The following KLHL2 variants were observed in gnomAD, a reference collection of about 807,000 sequenced individuals.
The protein encoded by KLHL2 is kelch like family member 2.
A neutral mutation model predicts 75.8 loss-of-function variants in KLHL2; 15 were observed. The ratio of observed to expected loss-of-function variants is 0.20; its 90% CI spans 0.13 to 0.30. The LOEUF is 0.30. Ranked by LOEUF, KLHL2 falls within the 10% of genes least tolerant of loss-of-function variation. KLHL2 has a pLI of 1.00. For missense variants in KLHL2, 381 were observed against 741.0 expected (o/e 0.51, Z 5.64); for synonymous variants, 214 against 251.9 (o/e 0.85, Z 1.42).
chr4:165,269,227 G>A (rs1372618662), intron 5 of KLHL2, among the ~76,000 whole-genome samples: 4 of 151,956 alleles, frequency 2.6e-5, no homozygotes, highest in African/African-American at 7.3e-5. Context: ...GATGGGTCTC[G>A]TGAATGCAGC....
rs1363427176 is a variant in KLHL2 at position 165,207,916 on chromosome 4, C to T, written c.26+14C>T. ...GCTGCCTCCCGCGTGAGTGAGCGGG[C>T]GGGCGGGCTGCGCCGCTGCGGATAA... On this transcript the variant is annotated intron_variant, in intron 1 of 14. Coordinates refer to ENST00000226725, the MANE Select transcript of KLHL2 (RefSeq NM_007246.4). The surrounding 1 kb of genome is among the most constrained non-coding windows in gnomAD (Gnocchi z 4.2). 1 of 1,418,802 alleles carries T rather than the reference C, an allele frequency of 7.0e-7. No homozygotes were observed. The allele number at this position is 1,418,802 out of a possible 1,614,324, so 87.9% of individuals were successfully genotyped here. A position where few individuals can be genotyped will look rare whatever the true frequency, so the allele number is the denominator to read the frequency against.
chr4:165,303,599 T>C (rs1378956386), intron 8 of KLHL2, among the ~76,000 whole-genome samples: 4 of 152,058 alleles, frequency 2.6e-5, no homozygotes, highest in African/African-American at 9.7e-5. Flanking sequence ...GTGTCGCTCT[T>C]TCGCCCAGGC....
Position 165,322,735 on chromosome 4 carries a change from T to C in KLHL2, c.*675T>C, listed in dbSNP as rs954363900. On this transcript the variant is annotated 3_prime_UTR_variant, in exon 15 of 15. Coordinates refer to ENST00000226725, the MANE Select transcript of KLHL2 (RefSeq NM_007246.4). ...TGATATTTAACAATGCTTAACACTT[T>C]AAATGCCACTTCTGAGGAATGGACC... The C allele has an allele frequency of 6.5e-6, 1 of 152,680 alleles. No homozygotes were observed. The highest frequency in any genetic ancestry group is 2.4e-5 in the African/African-American group (1 of 41,470). 9.5% of individuals were successfully genotyped at this position (152,680 alleles called of 1,614,324 possible). A position where few individuals can be genotyped will look rare whatever the true frequency, so the allele number is the denominator to read the frequency against.
intron 5 of KLHL2, among the ~76,000 whole-genome samples, chr4:165,274,608 C>CAAA (rs1319249650): frequency 1.9e-5 from 2 of 106,938 alleles, no homozygotes; most frequent in African/African-American, 6.5e-5. Flanking sequence ...GACTACGTCT[C>CAAA]AAAAAAAAAA....
intron 11 of KLHL2, 30 bp from the exon 12 acceptor site, chr4:165,313,208 A>G (rs1385820914): frequency 2.5e-6 from 4 of 1,590,156 alleles, no homozygotes; most frequent in Non-Finnish European, 3.4e-6. Context: ...TTTTTAATAA[A>G]TTTGGCTTTC....
chr4:165,302,035 C>T (rs1194070170), intron 8 of KLHL2, among the ~76,000 whole-genome samples: 2 of 152,094 alleles, frequency 1.3e-5, no homozygotes, highest in South Asian at 2.1e-4. Flanking sequence ...CTGTGTTATA[C>T]TTTTAGATTT....
chr4:165,263,802 ATTGT>A lies in KLHL2; in HGVS notation c.544+446_544+449del, dbSNP rs1243009284. 4.3e-3 allele frequency among the ~76,000 whole-genome samples: 404 copies of A among 93,520 alleles called. 6 individuals carry two copies. The highest frequency in any genetic ancestry group is 0.011 in the African/African-American group (308 of 28,326). The allele number at this position is 93,520 out of a possible 152,430, so 61.4% of individuals were successfully genotyped here. A position where few individuals can be genotyped will look rare whatever the true frequency, so the allele number is the denominator to read the frequency against. On this transcript the variant is annotated intron_variant, in intron 5 of 14. Coordinates refer to ENST00000226725, the MANE Select transcript of KLHL2 (RefSeq NM_007246.4). ...AGTTATTTTAGCTCTGATTTTTTAC[ATTGT>A]TTTTTTTTTTTTTTTTTTTTTTTGC... is the stretch of plus-strand genomic sequence containing the variant.
At chr4:165,310,391 T>C (rs1746069753) in intron 9 of KLHL2, among the ~76,000 whole-genome samples, 162 bp from the exon 10 acceptor site, 1 of 152,190 alleles carries the variant, frequency 6.6e-6, no homozygotes, top group South Asian at 2.1e-4. Context: ...AGTGATTGGA[T>C]GTTCTTGCAA....
At chr4:165,312,960 A>G (rs949082294) in intron 11 of KLHL2, among the ~76,000 whole-genome samples, 2 of 152,172 alleles carry the variant, frequency 1.3e-5, no homozygotes, top group Admixed American at 1.3e-4. Context: ...AGTGTTACCT[A>G]AAGATATAAT....
At chr4:165,270,841 C>T (rs185531848) in intron 5 of KLHL2, among the ~76,000 whole-genome samples, 7 of 152,176 alleles carry the variant, frequency 4.6e-5, no homozygotes, top group Admixed American at 4.6e-4. Flanking sequence ...CTGAGAGAAC[C>T]ACTGCTCTCT....
intron 5 of KLHL2, among the ~76,000 whole-genome samples, chr4:165,275,565 C>T (rs1743018641): frequency 6.6e-6 from 1 of 152,174 alleles, no homozygotes; most frequent in Admixed American, 6.5e-5. Context: ...CTACTTAGTA[C>T]TAGTTCTAAC....
chr4:165,220,653 G>A (rs1737910664), intron 2 of KLHL2, among the ~76,000 whole-genome samples: 1 of 152,078 alleles, frequency 6.6e-6, no homozygotes, highest in Non-Finnish European at 1.5e-5. Context: ...ATAAAATTGT[G>A]ACTTGCATTA....
At chr4:165,299,407 A>AGTCTAAACTAAACTAAACTAAACTAAAC in intron 7 of KLHL2, 100 bp from the exon 8 acceptor site, 2 of 1,056,254 alleles carry the variant, frequency 1.9e-6, no homozygotes, top group Non-Finnish European at 2.7e-6. Flanking sequence ...ACTAAAGGAT[A>AGTCTAAACTAAACTAAACTAAACTAAAC]TAGTTACTGC....
At chr4:165,227,900 C>CTT (rs557385631) in intron 2 of KLHL2, among the ~76,000 whole-genome samples, 11 of 121,330 alleles carry the variant, frequency 9.1e-5, no homozygotes, top group African/African-American at 3.3e-4. Context: ...TAACAAAATG[C>CTT]TTTTTTTTTT....
chr4:165,310,999 T>C (rs1396129995), intron 10 of KLHL2, among the ~76,000 whole-genome samples: 2 of 151,682 alleles, frequency 1.3e-5, no homozygotes, highest in Admixed American at 6.6e-5. Context: ...GGACTATAGG[T>C]GCCCGCCACC....
chr4:165,220,150 T>A, intron 2 of KLHL2, 91 bp downstream of exon 2: 1 of 1,523,570 alleles, frequency 6.6e-7, no homozygotes, highest in Non-Finnish European at 8.8e-7. Context: ...CTTCCATTGT[T>A]GCTTTGTCTG....
rs143849543 is a variant in KLHL2 at position 165,256,577 on chromosome 4, A to T, written c.382-6620A>T. Among the ~76,000 whole-genome samples the T allele has an allele frequency of 1.1e-3, 165 of 152,328 alleles. 1 individual carries two copies. The highest frequency in any genetic ancestry group is 3.8e-3 in the African/African-American group (159 of 41,572). On this transcript the variant is annotated intron_variant, in intron 4 of 14. Transcript: ENST00000226725. ...AGTGGTGGGTAATATTTCCCGGAGAAGCCACAGTCCATATATAGCTCCCCT... is the reference window on the plus strand; with the variant it reads ...AGTGGTGGGTAATATTTCCCGGAGATGCCACAGTCCATATATAGCTCCCCT...
rs746327681 is a variant in KLHL2, at chr4:165,278,675, A to G, written c.544+15316A>G. 7 of 1,601,126 alleles carry G rather than the reference A, an allele frequency of 4.4e-6. No individual in the cohort carries two copies. In the Admixed American group the frequency reaches 5.0e-5, roughly 11 times the overall value. On this transcript the variant is annotated intron_variant, in intron 5 of 14. Transcript: ENST00000226725. ...TAGCCAGCGAATAACAGCACCAGCT[A>G]TAGCTACAGAACCTTCCAAAGCGTA...
chr4:165,226,545 C>A (rs1386867430), intron 2 of KLHL2, among the ~76,000 whole-genome samples: 2 of 151,986 alleles, frequency 1.3e-5, no homozygotes, highest in Non-Finnish European at 2.9e-5. Context: ...TTTTGCATTG[C>A]CAGTTTTTTC....
Sources: gnomAD v4.1 joint callset for allele counts (sites outside exome capture counted in the v4.1 genomes callset) on GRCh38, gnomAD v4.1.1 for gene constraint, Gnocchi (gnomAD v3.1) non-coding constraint, MANE v1.5 for transcripts, NCBI Gene and HGNC (gene_info 2026-07-23, HGNC 2026-07-21) for gene names.